DGKB: variants seen among roughly 807,000 people sequenced by gnomAD.
The protein encoded by DGKB is diacylglycerol kinase beta, also known as 90 kDa diacylglycerol kinase.
In DGKB, 67 loss-of-function variants were observed where a neutral mutation model predicts 114.3. That is an observed-to-expected ratio of 0.59 (90% confidence interval 0.48 to 0.72). The LOEUF (loss-of-function observed/expected upper bound fraction) is 0.72. Among genes scored for constraint, DGKB ranks in the 30% least tolerant of loss-of-function variants. The pLI, the probability that DGKB is intolerant of heterozygous loss-of-function variation, is 0.00. For synonymous variants in DGKB, 398 were observed against 323.1 expected (o/e 1.23, Z -2.49); for missense variants, 907 against 975.2 (o/e 0.93, Z 0.93).
At chr7:14,581,023 C>A (rs1403782840) in intron 18 of DGKB, 72 bp from the exon 19 acceptor site, 10 of 1,038,390 alleles carry the variant, frequency 9.6e-6, no homozygotes, top group South Asian at 1.6e-5. Flanking sequence ...AAAAAGATAG[C>A]CTGATGACAT....
chr7:14,285,124 C>A (rs1218685354), intron 23 of DGKB, among the ~76,000 whole-genome samples: 1 of 152,134 alleles, frequency 6.6e-6, no homozygotes, highest in African/African-American at 2.4e-5. Context: ...ACCATTATTT[C>A]TTTACATTGA....
At chr7:14,222,840 G>T (rs543237136) in intron 23 of DGKB, among the ~76,000 whole-genome samples, 1 of 151,452 alleles carries the variant, frequency 6.6e-6, no homozygotes, top group East Asian at 1.9e-4. Context: ...TGTTGTTAGG[G>T]TATATATGTT....
intron 2 of DGKB, among the ~76,000 whole-genome samples, chr7:14,768,261 G>T (rs1043501023): frequency 2.0e-5 from 3 of 151,936 alleles, no homozygotes; most frequent in African/African-American, 4.8e-5. Context: ...AAGCTTTAAT[G>T]TGAGAAGGAG....
chr7:14,954,598 A>AT (rs1480902175), intron 1 of DGKB, among the ~76,000 whole-genome samples: 2 of 151,864 alleles, frequency 1.3e-5, no homozygotes, highest in South Asian at 2.1e-4. Flanking sequence ...GGCAAGTGTG[A>AT]TTTTTTTGGG....
intron 21 of DGKB, among the ~76,000 whole-genome samples, chr7:14,410,882 A>C (rs1824759465): frequency 6.6e-6 from 1 of 152,208 alleles, no homozygotes; most frequent in Non-Finnish European, 1.5e-5. Context: ...ATTTTATTAA[A>C]GTGAATGCCT....
chr7:14,901,300 T>A (rs1204699473), intron 1 of DGKB, among the ~76,000 whole-genome samples: 2 of 152,208 alleles, frequency 1.3e-5, no homozygotes, highest in Non-Finnish European at 2.9e-5. Context: ...AGTAGCACAA[T>A]TTAAAACTGA....
At chr7:14,581,113 A>T (rs1799869631) in intron 18 of DGKB, among the ~76,000 whole-genome samples, 162 bp from the exon 19 acceptor site, 1 of 152,246 alleles carries the variant, frequency 6.6e-6, no homozygotes, top group Admixed American at 6.5e-5. Flanking sequence ...AATTATGGAT[A>T]ATTTGTATAC....
rs57888491 is a variant in DGKB, at chr7:14,466,645, CAAAA to C, written c.1835+11512_1835+11515del. Among the ~76,000 whole-genome samples, 167 of 138,566 alleles carry C rather than the reference CAAAA, an allele frequency of 1.2e-3. 1 individual carries two copies. The highest frequency in any genetic ancestry group is 4.0e-3 in the African/African-American group (153 of 38,474). The allele number at this position is 138,566 out of a possible 152,430, so 90.9% of individuals were successfully genotyped here. A position where few individuals can be genotyped will look rare whatever the true frequency, so the allele number is the denominator to read the frequency against. On this transcript the variant is annotated intron_variant, in intron 21 of 25. Coordinates refer to ENST00000402815, the MANE Select transcript of DGKB (RefSeq NM_001350709.2). ...ATAAATCTTTGTTGAATGAATAAAC[CAAAA>C]AAAAAAAAAAACACAAAAATTAGCT...
intron 20 of DGKB, among the ~76,000 whole-genome samples, chr7:14,567,217 ATATATAATATATATAAT>A (rs1305039112): frequency 5.9e-5 from 4 of 67,762 alleles, no homozygotes; most frequent in African/African-American, 2.7e-4. Flanking sequence ...TTATATATTT[ATATATAATATATATAAT>A]TATATTATAT....
intron 1 of DGKB, among the ~76,000 whole-genome samples, chr7:14,962,533 T>C (rs1562906903): frequency 6.6e-6 from 1 of 152,150 alleles, no homozygotes; most frequent in African/African-American, 2.4e-5. Flanking sequence ...TCTTTCTTTT[T>C]ACTCATTCAA....
chr7:14,321,714 A>G (rs1469347945), intron 23 of DGKB, among the ~76,000 whole-genome samples: 1 of 152,138 alleles, frequency 6.6e-6, no homozygotes, highest in African/African-American at 2.4e-5. Flanking sequence ...TAGATACAGT[A>G]TTAGAATTGA....
intron 20 of DGKB, among the ~76,000 whole-genome samples, chr7:14,499,321 T>C (rs1785771704): frequency 6.6e-6 from 1 of 151,720 alleles, no homozygotes; most frequent in Non-Finnish European, 1.5e-5. Context: ...ACTTAACAAC[T>C]TTGGCAGGAA....
intron 1 of DGKB, among the ~76,000 whole-genome samples, chr7:14,948,038 A>G (rs1785978037): frequency 6.6e-6 from 1 of 151,744 alleles, no homozygotes; most frequent in Non-Finnish European, 1.5e-5. Context: ...TTATATTTTC[A>G]CAAATTTAAA....
At chr7:14,287,422 T>A (rs1325148451) in intron 23 of DGKB, among the ~76,000 whole-genome samples, 2 of 152,086 alleles carry the variant, frequency 1.3e-5, no homozygotes, top group African/African-American at 4.8e-5. Flanking sequence ...TAATAGAAAA[T>A]TTCTAGGAAT....
rs1823395261 is a variant in DGKB at position 14,694,090 on chromosome 7, G to A, written c.696C>T (p.Leu232=). 1.3e-6 allele frequency: 2 copies of A among 1,589,700 alleles called. No individual in the cohort carries two copies. Among genetic ancestry groups the A allele is most frequent in the African/African-American group, 1.3e-5 (1 of 74,786 alleles). ...AAATGCTTACATTTTCTAAGCCCAG[G>A]AGCACAAGAAGTGGAATCGTTGTCA... The part of the protein sequence containing the change: ...GGMTTIPLLV[L]LGLENNVKDD... Residue 232 remains leucine, a synonymous_variant, in exon 9 of 26, where the codon CTC becomes CTT. Transcript: ENST00000402815.
chr7:14,826,423 C>T lies in DGKB; in HGVS notation c.70+14771G>A, dbSNP rs187073435. ...TCTTAGTCATATCAAACATTTTCAC[C>T]TTTCATGAATAATTTGAACTTAAAG... On this transcript the variant is annotated intron_variant, in intron 2 of 25. Transcript: ENST00000402815. Among the ~76,000 whole-genome samples, 3 of 152,218 alleles carry T rather than the reference C, an allele frequency of 2.0e-5. No homozygotes were observed. The East Asian group carries it at 5.8e-4, about 29-fold the overall frequency.
intron 1 of DGKB, among the ~76,000 whole-genome samples, chr7:14,872,562 C>T (rs532007593): frequency 1.2e-4 from 18 of 152,158 alleles, no homozygotes; most frequent in Admixed American, 3.3e-4. Flanking sequence ...TTTGGTTAAA[C>T]GAATAATGTA....
intron 2 of DGKB, among the ~76,000 whole-genome samples, chr7:14,825,269 G>C (rs1471395030): frequency 6.6e-6 from 1 of 151,644 alleles, no homozygotes; most frequent in Non-Finnish European, 1.5e-5. Context: ...CCATGGACCA[G>C]GGAGTGGGGA....
Position 14,336,826 on chromosome 7 carries a change from T to C in DGKB, c.2122+1689A>G, listed in dbSNP as rs1810758693. On this transcript the variant is annotated intron_variant, in intron 23 of 25. Coordinates refer to ENST00000402815, the MANE Select transcript of DGKB (RefSeq NM_001350709.2). ...TGTTTGGGTGGAGCACAGTGCTGTA[T>C]CTAAGAGATGTTCAACAACCCAGTG... Among the ~76,000 whole-genome samples, 3 of 152,096 alleles carry C rather than the reference T, an allele frequency of 2.0e-5. No individual in the cohort carries two copies. The South Asian group carries it at 6.2e-4, about 31-fold the overall frequency.
Sources: allele counts gnomAD v4.1 joint callset (sites outside exome capture counted in the v4.1 genomes callset), GRCh38; gene constraint gnomAD v4.1.1; transcripts MANE v1.5; gene names NCBI Gene and HGNC (gene_info 2026-07-23, HGNC 2026-07-21).